Variants in EML5 observed in about 807,000 individuals in gnomAD.
EML5 encodes echinoderm microtubule-associated protein-like 5.
A neutral mutation model predicts 250.0 loss-of-function variants in EML5; 120 were observed. That is an observed-to-expected ratio of 0.48 (90% CI 0.41 to 0.56). The LOEUF (loss-of-function observed/expected upper bound fraction) is 0.56, where lower values mean the gene tolerates loss of function less well. EML5 is among the 20% of genes least tolerant of loss of function. The probability of loss-of-function intolerance (pLI) is 0.00; values close to 1 mark genes in which losing one functional copy is unlikely to be tolerated. For missense variants in EML5, 2,006 were observed against 2,437.6 expected (o/e 0.82, Z 3.73); for synonymous variants, 771 against 806.5 (o/e 0.96, Z 0.75).
intron 8 of EML5, among the ~76,000 whole-genome samples, chr14:88,715,660 CTTTT>C (rs1020317324): frequency 7.1e-6 from 1 of 141,650 alleles, no homozygotes; most frequent in Non-Finnish European, 1.6e-5. Context: ...TTCAGTAATA[CTTTT>C]TTTTTTTTTT....
Position 88,627,635 on chromosome 14 carries a change from AAG to A in EML5, c.4531+9_4531+10del. 1.9e-6 allele frequency: 3 copies of A among 1,584,378 alleles called. No individual in the cohort carries two copies. The highest frequency in any genetic ancestry group is 2.6e-6 in the Non-Finnish European group (3 of 1,169,502). ...GTTTTTTTAAAAATCAAACACACAA[AAG>A]AATCCTACCTTCCTGCCATCTCCAA... On this transcript the variant is annotated intron_variant, in intron 34 of 43. Transcript: ENST00000554922.
intron 27 of EML5, among the ~76,000 whole-genome samples, chr14:88,656,172 A>G (rs1329968945): frequency 6.6e-6 from 1 of 152,144 alleles, no homozygotes; most frequent in African/African-American, 2.4e-5. Flanking sequence ...GCACATGTAT[A>G]TTTATTACAG....
chr14:88,659,658 A>AG (rs2092007260), intron 25 of EML5, among the ~76,000 whole-genome samples: 1 of 118,588 alleles, frequency 8.4e-6, no homozygotes. Context: ...CCTATTCCTA[A>AG]GGGATCTACA....
intron 20 of EML5, among the ~76,000 whole-genome samples, chr14:88,684,605 A>G (rs1010180721): frequency 2.6e-5 from 4 of 151,976 alleles, no homozygotes; most frequent in Admixed American, 2.6e-4. Context: ...CTTAGGCTCA[A>G]CAAATATACC....
At chr14:88,751,760 A>C (rs2094099084) in intron 2 of EML5, among the ~76,000 whole-genome samples, 1 of 152,062 alleles carries the variant, frequency 6.6e-6, no homozygotes, top group Admixed American at 6.6e-5. Flanking sequence ...ACAAGGAAAG[A>C]CTCCTTTAAA....
chr14:88,778,644 T>C (rs1192178126), intron 1 of EML5, among the ~76,000 whole-genome samples: 1 of 152,204 alleles, frequency 6.6e-6, no homozygotes, highest in African/African-American at 2.4e-5. Flanking sequence ...CTGGGCAATG[T>C]GGCGCACGCC....
intron 32 of EML5, among the ~76,000 whole-genome samples, chr14:88,635,470 A>C (rs1370218772): frequency 6.6e-6 from 1 of 152,210 alleles, no homozygotes; most frequent in African/African-American, 2.4e-5. Flanking sequence ...TTGTCTCTGA[A>C]TATTAACAGG....
Position 88,615,147 on chromosome 14 carries a change from C to A in EML5, c.*671G>T, listed in dbSNP as rs2140209499. The A allele has an allele frequency of 6.6e-6, 1 of 152,190 alleles. No homozygotes were observed. The highest frequency in any genetic ancestry group is 6.5e-5 in the Admixed American group (1 of 15,288). The allele number at this position is 152,190 out of a possible 1,614,324, so 9.4% of individuals were successfully genotyped here. A position where few individuals can be genotyped will look rare whatever the true frequency, so the allele number is the denominator to read the frequency against. Reference sequence around the variant, plus strand: ...ATGGCATCTGAACATAAACTGATGGCTCGAAAATGAAAATGGAAATGTAGC... The same window carrying A: ...ATGGCATCTGAACATAAACTGATGGATCGAAAATGAAAATGGAAATGTAGC... On this transcript the variant is annotated 3_prime_UTR_variant, in exon 44 of 44. Coordinates refer to ENST00000554922, the MANE Select transcript of EML5 (RefSeq NM_183387.3).
chr14:88,631,383 T>C (rs1317199644), intron 33 of EML5, among the ~76,000 whole-genome samples: 2 of 152,132 alleles, frequency 1.3e-5, no homozygotes, highest in East Asian at 3.9e-4. Flanking sequence ...CCATCTAAGT[T>C]TTGTATATTT....
intron 19 of EML5, among the ~76,000 whole-genome samples, chr14:88,686,634 G>A (rs77692136): frequency 0.047 from 7,128 of 151,976 alleles, 262 homozygotes; most frequent in Non-Finnish European, 0.063. Context: ...CAACATAGAG[G>A]GACCCTGGCT....
In EML5 at chr14:88,657,552, TATG is replaced by T. The variant is rs781041007; in HGVS notation, c.3878-53_3878-51del. On this transcript the variant is annotated intron_variant, in intron 26 of 43. Coordinates refer to ENST00000554922, the MANE Select transcript of EML5 (RefSeq NM_183387.3). ...TCTTTAAGCAATAACTGAGATCAAT[TATG>T]ATCTTATAAATTGGATACAAAGATG... The T allele has an allele frequency of 2.0e-5, 29 of 1,483,150 alleles. No homozygotes were observed. In the South Asian group the frequency reaches 3.7e-4, roughly 19 times the overall value. 91.9% of individuals were successfully genotyped at this position (1,483,150 alleles called of 1,614,324 possible).
At chr14:88,790,863 CCA>C in intron 1 of EML5, among the ~76,000 whole-genome samples, 1 of 152,232 alleles carries the variant, frequency 6.6e-6, no homozygotes, top group African/African-American at 2.4e-5. Flanking sequence ...TTTTGTTTTT[CCA>C]TCAGCAATTT....
At chr14:88,648,352 A>T (rs756777940) in intron 28 of EML5, among the ~76,000 whole-genome samples, 14 of 152,200 alleles carry the variant, frequency 9.2e-5, no homozygotes, top group Non-Finnish European at 1.5e-4. Flanking sequence ...TTCCCAGAAT[A>T]ATAATTATTA....
intron 31 of EML5, among the ~76,000 whole-genome samples, chr14:88,641,591 A>T (rs1382853661): frequency 6.6e-6 from 1 of 152,184 alleles, no homozygotes; most frequent in Non-Finnish European, 1.5e-5. Context: ...ATCTCAACAG[A>T]TATGGAAAAT....
intron 1 of EML5, among the ~76,000 whole-genome samples, chr14:88,773,300 G>C (rs55900327): frequency 0.019 from 2,924 of 152,262 alleles, 46 homozygotes; most frequent in Non-Finnish European, 0.026. Context: ...TCTGTCTTTC[G>C]GTGTTTTCAG....
intron 7 of EML5, among the ~76,000 whole-genome samples, chr14:88,733,301 C>T (rs946467835): frequency 6.6e-6 from 1 of 152,220 alleles, no homozygotes; most frequent in Non-Finnish European, 1.5e-5. Flanking sequence ...AGGAAAAATG[C>T]CTTCAGGGCA....
intron 21 of EML5, among the ~76,000 whole-genome samples, chr14:88,666,584 A>C (rs1289127985): frequency 1.3e-5 from 2 of 152,206 alleles, no homozygotes; most frequent in African/African-American, 4.8e-5. Flanking sequence ...AGGAAGATAC[A>C]TCTGTATATA....
chr14:88,721,347 C>A (rs71637674), intron 8 of EML5, among the ~76,000 whole-genome samples: 1 of 152,130 alleles, frequency 6.6e-6, no homozygotes, highest in Non-Finnish European at 1.5e-5. Flanking sequence ...GGAAGCATCA[C>A]GCTACTGAAC....
chr14:88,775,465 G>C (rs1219752854), intron 1 of EML5, among the ~76,000 whole-genome samples: 1 of 152,202 alleles, frequency 6.6e-6, no homozygotes, highest in African/African-American at 2.4e-5. Flanking sequence ...GGGAACATTG[G>C]CAGTAGTCTG....
Sources: allele counts gnomAD v4.1 joint callset (sites outside exome capture counted in the v4.1 genomes callset), GRCh38; gene constraint gnomAD v4.1.1; transcripts MANE v1.5; gene names NCBI Gene and HGNC (gene_info 2026-07-23, HGNC 2026-07-21).